Variants in UNC13C observed in about 807,000 individuals in gnomAD.
UNC13C encodes the protein protein unc-13 homolog C.
Under a neutral mutation model 245.4 loss-of-function variants are expected in UNC13C, and 174 were observed. That is an observed-to-expected ratio of 0.71 (90% CI 0.63 to 0.80). UNC13C has a LOEUF of 0.80. Ranked by LOEUF, UNC13C falls within the 30% of genes least tolerant of loss-of-function variation. UNC13C has a pLI of 0.00. For missense variants in UNC13C, 2,829 were observed against 2,602.9 expected (o/e 1.09, Z -1.89); for synonymous variants, 992 against 895.1 (o/e 1.11, Z -1.93).
chr15:54,020,716 T>C (rs1026124752), intron 2 of UNC13C, among the ~76,000 whole-genome samples: 3 of 152,188 alleles, frequency 2.0e-5, no homozygotes, highest in African/African-American at 7.2e-5. Flanking sequence ...CCTTAAAAGG[T>C]ATGTATGAAT....
intron 1 of UNC13C, among the ~76,000 whole-genome samples, chr15:53,979,911 T>C (rs903550988): frequency 6.6e-6 from 1 of 152,160 alleles, no homozygotes; most frequent in Non-Finnish European, 1.5e-5. Flanking sequence ...AAATTGTCAA[T>C]AAATTAAATG....
At chr15:54,321,442 C>G in intron 13 of UNC13C, 3 of 494,570 alleles carry the variant, frequency 6.1e-6, no homozygotes, top group South Asian at 3.0e-5. Flanking sequence ...ACTCTTGCAT[C>G]TGCCTTTGCG....
chr15:54,363,664 G>C (rs2039288640), intron 17 of UNC13C, among the ~76,000 whole-genome samples: 1 of 152,142 alleles, frequency 6.6e-6, no homozygotes, highest in South Asian at 2.1e-4. Context: ...ACAGAATTGA[G>C]AACTAATTGG....
At chr15:54,309,972 C>G (rs2037825454) in intron 13 of UNC13C, among the ~76,000 whole-genome samples, 3 of 151,938 alleles carry the variant, frequency 2.0e-5, no homozygotes, top group Admixed American at 2.0e-4. Flanking sequence ...ATTCTTCTGA[C>G]ACTAGCACCA....
chr15:54,293,760 T>C, intron 10 of UNC13C, 135 bp from the exon 11 acceptor site: 1 of 604,028 alleles, frequency 1.7e-6, no homozygotes, highest in Non-Finnish European at 2.5e-6. Flanking sequence ...ATCCCATGGA[T>C]AGATGAAATG....
At chr15:54,310,930 G>A (rs1457586250) in intron 13 of UNC13C, among the ~76,000 whole-genome samples, 1 of 151,564 alleles carries the variant, frequency 6.6e-6, no homozygotes, top group African/African-American at 2.4e-5. Flanking sequence ...TCCAAGAAAT[G>A]TTTACTTTGA....
chr15:53,913,614 G>A, the UNC13C span: 1 of 152,220 alleles, frequency 6.6e-6, no homozygotes. Context: ...CATCGACTGG[G>A]ACAGCACAGA....
chr15:54,557,839 C>A (rs550340660), intron 29 of UNC13C, among the ~76,000 whole-genome samples: 97 of 152,058 alleles, frequency 6.4e-4, no homozygotes, highest in African/African-American at 2.3e-3. Context: ...ATTTCACCTG[C>A]CTTGTAAATA....
chr15:54,526,343 G>C (rs955615474), intron 25 of UNC13C, among the ~76,000 whole-genome samples: 31 of 152,122 alleles, frequency 2.0e-4, no homozygotes, highest in African/African-American at 6.8e-4. Context: ...TATTTTTGAA[G>C]AGGTTCATTA....
At chr15:54,421,607 T>C (rs2040645548) in intron 19 of UNC13C, among the ~76,000 whole-genome samples, 1 of 152,052 alleles carries the variant, frequency 6.6e-6, no homozygotes, top group African/African-American at 2.4e-5. Context: ...GCACCTGATG[T>C]GCACCAAAGT....
At chr15:54,349,489 A>C (rs181953219) in intron 17 of UNC13C, among the ~76,000 whole-genome samples, 1 of 152,190 alleles carries the variant, frequency 6.6e-6, no homozygotes, top group African/African-American at 2.4e-5. Context: ...ATGACAATAC[A>C]TGAAAAAAAT....
intron 2 of UNC13C, among the ~76,000 whole-genome samples, chr15:54,043,543 TTAGG>T (rs764347105): frequency 3.3e-4 from 50 of 152,222 alleles, no homozygotes; most frequent in African/African-American, 1.2e-3. Context: ...GGCTTTCCTC[TTAGG>T]TAGGAGCAAA....
At chr15:54,386,498 G>A (rs2039840383) in intron 17 of UNC13C, among the ~76,000 whole-genome samples, 1 of 152,124 alleles carries the variant, frequency 6.6e-6, no homozygotes, top group African/African-American at 2.4e-5. Flanking sequence ...CACATCCTGT[G>A]TGATTTGTTT....
At chr15:53,868,993 T>C in the UNC13C span, among the ~76,000 whole-genome samples, 3 of 152,178 alleles carry the variant, frequency 2.0e-5, no homozygotes, top group East Asian at 5.8e-4. Flanking sequence ...GCCTGTAGTC[T>C]GGGCTACTCA....
the UNC13C span, among the ~76,000 whole-genome samples, chr15:53,957,947 G>C: frequency 6.6e-6 from 1 of 151,812 alleles, no homozygotes; most frequent in East Asian, 1.9e-4. Context: ...TTTCAACATG[G>C]GCTCAGATTT....
At chr15:54,328,620 T>G (rs2038358770) in intron 14 of UNC13C, among the ~76,000 whole-genome samples, 1 of 152,006 alleles carries the variant, frequency 6.6e-6, no homozygotes. Flanking sequence ...CTGAGGATGA[T>G]GCAGAGGTTA....
intron 2 of UNC13C, among the ~76,000 whole-genome samples, chr15:54,124,228 G>C (rs969040720): frequency 6.6e-6 from 1 of 152,144 alleles, no homozygotes; most frequent in East Asian, 1.9e-4. Context: ...GTAATGGCTT[G>C]TTGAATTATG....
intron 2 of UNC13C, among the ~76,000 whole-genome samples, chr15:54,068,257 A>G (rs1422274431): frequency 1.3e-5 from 2 of 152,208 alleles, no homozygotes; most frequent in Non-Finnish European, 2.9e-5. Flanking sequence ...AAGAAAAATC[A>G]TCTAATTTGT....
chr15:54,295,127 C>A (rs1452546106), intron 11 of UNC13C, among the ~76,000 whole-genome samples: 1 of 150,636 alleles, frequency 6.6e-6, no homozygotes, highest in Non-Finnish European at 1.5e-5. Flanking sequence ...TGAGCCACCC[C>A]CCAAAGCTTG....
Sources: allele counts gnomAD v4.1 joint callset (sites outside exome capture counted in the v4.1 genomes callset), GRCh38; gene constraint gnomAD v4.1.1; transcripts MANE v1.5; gene names NCBI Gene and HGNC (gene_info 2026-07-23, HGNC 2026-07-21).